The following PTPRT variants were observed in gnomAD, a reference collection of about 807,000 sequenced individuals.
PTPRT encodes receptor-type tyrosine-protein phosphatase T.
PTPRT carries 56 observed loss-of-function variants against 176.8 expected under a neutral mutation model. That is an observed-to-expected ratio of 0.32 (90% CI 0.26 to 0.40). The LOEUF (loss-of-function observed/expected upper bound fraction) is 0.40. PTPRT is among the 10% of genes least tolerant of loss of function. The pLI, the probability that PTPRT is intolerant of heterozygous loss-of-function variation, is 1.00. For synonymous variants in PTPRT, 783 were observed against 739.0 expected (o/e 1.06, Z -0.96); for missense variants, 1,540 against 1,908.2 (o/e 0.81, Z 3.60).
intron 7 of PTPRT, among the ~76,000 whole-genome samples, chr20:42,636,214 G>T (rs941068744): frequency 2.6e-5 from 4 of 152,048 alleles, no homozygotes; most frequent in African/African-American, 9.7e-5. Context: ...TTTCAAGGGA[G>T]GGCAAAAGTC....
chr20:42,524,942 A>T (rs1010375987), intron 7 of PTPRT, among the ~76,000 whole-genome samples: 1 of 151,948 alleles, frequency 6.6e-6, no homozygotes, highest in Non-Finnish European at 1.5e-5. Flanking sequence ...ATTATATTTG[A>T]TTCTTTTAAA....
At chr20:42,294,536 A>T (rs1397821877) in intron 12 of PTPRT, among the ~76,000 whole-genome samples, 2 of 152,152 alleles carry the variant, frequency 1.3e-5, no homozygotes, top group Non-Finnish European at 2.9e-5. Flanking sequence ...TTTACTATCC[A>T]GTCAGAACAA....
chr20:42,053,071 G>A, the PTPRT span, among the ~76,000 whole-genome samples: 4 of 152,128 alleles, frequency 2.6e-5, no homozygotes, highest in Admixed American at 6.5e-5. Flanking sequence ...AAAAATAAGT[G>A]GCACGCTGGG....
rs554258592 is a variant in PTPRT at position 42,629,383 on chromosome 20, A to G, written c.1153+48483T>C. On this transcript the variant is annotated intron_variant, in intron 7 of 30. Coordinates refer to ENST00000373187, the MANE Select transcript of PTPRT (RefSeq NM_007050.6). ...TTATGGTGTGACATTCTAAGCAGAG[A>G]TACCGCAAAGTATCTTGTGCAAAAC... Among the ~76,000 whole-genome samples the G allele has an allele frequency of 5.3e-5, 8 of 152,302 alleles. No homozygotes were observed. In the South Asian group the frequency reaches 1.5e-3, roughly 28 times the overall value.
At chr20:42,717,310 T>A (rs1191145981) in intron 6 of PTPRT, among the ~76,000 whole-genome samples, 3 of 151,200 alleles carry the variant, frequency 2.0e-5, no homozygotes, top group Non-Finnish European at 2.9e-5. Context: ...AAAAAATAGA[T>A]CTACAGAAAA....
intron 1 of PTPRT, among the ~76,000 whole-genome samples, chr20:42,968,183 T>C (rs1982409622): frequency 6.6e-6 from 1 of 152,168 alleles, no homozygotes; most frequent in Non-Finnish European, 1.5e-5. Flanking sequence ...CCTCCACCTC[T>C]ACTGCCACAC....
At chr20:43,120,731 C>A (rs1330970768) in intron 1 of PTPRT, among the ~76,000 whole-genome samples, 5 of 152,220 alleles carry the variant, frequency 3.3e-5, no homozygotes, top group Non-Finnish European at 7.3e-5. Flanking sequence ...ATGAAAACGA[C>A]TGACATATTC....
chr20:42,911,673 T>C (rs1978388548), intron 1 of PTPRT, among the ~76,000 whole-genome samples: 1 of 152,174 alleles, frequency 6.6e-6, no homozygotes, highest in African/African-American at 2.4e-5. Flanking sequence ...ATAACACATT[T>C]TTCTCCAAAT....
At chr20:42,084,983 C>T (rs1983736241) in intron 28 of PTPRT, 138 bp from the exon 29 acceptor site, 1 of 619,490 alleles carries the variant, frequency 1.6e-6, no homozygotes, top group East Asian at 3.4e-5. Context: ...CGGGGAGAGT[C>T]CCCATGACTA....
intron 2 of PTPRT, among the ~76,000 whole-genome samples, chr20:42,863,981 C>T (rs2078703186): frequency 6.6e-6 from 1 of 152,206 alleles, no homozygotes; most frequent in Non-Finnish European, 1.5e-5. Context: ...CAGGAAGTCG[C>T]TCCAGCTACC....
At chr20:42,483,856 A>G (rs1192489084) in intron 7 of PTPRT, among the ~76,000 whole-genome samples, 1 of 152,230 alleles carries the variant, frequency 6.6e-6, no homozygotes, top group Non-Finnish European at 1.5e-5. Flanking sequence ...CATGTGCTCT[A>G]CTGTCTGGCT....
chr20:42,874,012 G>C (rs1238053917), intron 2 of PTPRT, among the ~76,000 whole-genome samples: 1 of 152,118 alleles, frequency 6.6e-6, no homozygotes, highest in Non-Finnish European at 1.5e-5. Context: ...GGAAAAGACA[G>C]ATCACACATT....
chr20:42,671,290 AGAG>A (rs2075408750), intron 7 of PTPRT, among the ~76,000 whole-genome samples: 1 of 152,194 alleles, frequency 6.6e-6, no homozygotes, highest in Non-Finnish European at 1.5e-5. Context: ...AACACTGGAT[AGAG>A]GATAATAGTC....
intron 9 of PTPRT, among the ~76,000 whole-genome samples, chr20:42,430,179 G>T (rs1286993892): frequency 6.6e-6 from 1 of 152,290 alleles, no homozygotes; most frequent in South Asian, 2.1e-4. Context: ...CAGGGTCCAC[G>T]GTCCACAGAT....
intron 17 of PTPRT, among the ~76,000 whole-genome samples, chr20:42,154,061 G>A (rs1040863663): frequency 1.3e-5 from 2 of 152,140 alleles, no homozygotes; most frequent in African/African-American, 4.8e-5. Flanking sequence ...TGGAGCCCAG[G>A]TATTCCTGTT....
chr20:42,921,364 C>G (rs1184713057), intron 1 of PTPRT, among the ~76,000 whole-genome samples: 1 of 152,130 alleles, frequency 6.6e-6, no homozygotes, highest in Non-Finnish European at 1.5e-5. Flanking sequence ...AAAATGTAGA[C>G]TTCCACACAG....
intron 11 of PTPRT, among the ~76,000 whole-genome samples, chr20:42,345,207 C>A (rs866806469): frequency 3.9e-5 from 6 of 151,904 alleles, no homozygotes; most frequent in Non-Finnish European, 8.8e-5. Flanking sequence ...TTTTAAACAT[C>A]AGTTTCCTAG....
In PTPRT at chr20:42,907,079, G is replaced by GA. The variant is rs750121488; in HGVS notation, c.89-21148dup. On this transcript the variant is annotated intron_variant, in intron 1 of 30. Coordinates refer to ENST00000373187, the MANE Select transcript of PTPRT (RefSeq NM_007050.6). ...CAGTCAGAAAATGTAACAGTGAGGG[G>GA]AAAAAATAAGAATTATTATGAGTAA... Among the ~76,000 whole-genome samples the GA allele has an allele frequency of 4.6e-5, 7 of 151,902 alleles. 1 individual carries two copies. Among genetic ancestry groups the GA allele is most frequent in the East Asian group, 3.9e-4 (2 of 5,160 alleles).
chr20:42,501,503 A>G (rs1213018824), intron 7 of PTPRT, among the ~76,000 whole-genome samples: 1 of 152,170 alleles, frequency 6.6e-6, no homozygotes, highest in Non-Finnish European at 1.5e-5. Context: ...TTTACTTTCT[A>G]TATACACCAA....
Sources: gnomAD v4.1 joint callset for allele counts (sites outside exome capture counted in the v4.1 genomes callset) on GRCh38, gnomAD v4.1.1 for gene constraint, MANE v1.5 for transcripts, NCBI Gene and HGNC (gene_info 2026-07-23, HGNC 2026-07-21) for gene names.